The following GNG7 variants were observed in gnomAD, a reference collection of about 807,000 sequenced individuals.
GNG7 encodes G protein subunit gamma 7.
Under a neutral mutation model 4.0 loss-of-function variants are expected in GNG7, and 1 was observed. The observed-to-expected ratio is 0.25, with a 90% CI of 0.09 to 1.18. The LOEUF (loss-of-function observed/expected upper bound fraction) is 1.18, where lower values mean the gene tolerates loss of function less well. Among genes scored for constraint, GNG7 ranks in the 50% most tolerant of loss-of-function variants. GNG7 has a pLI of 0.50. For missense variants in GNG7, 86 were observed against 91.9 expected (o/e 0.94, Z 0.26); for synonymous variants, 34 against 36.9 (o/e 0.92, Z 0.29).
intron 1 of GNG7, among the ~76,000 whole-genome samples, chr19:2,649,060 T>G (rs1982741956): frequency 6.6e-6 from 1 of 151,774 alleles, no homozygotes; most frequent in African/African-American, 2.4e-5. Context: ...GTTTTTATGT[T>G]CTGGGAAGGG....
chr19:2,619,758 C>G (rs947385952), intron 2 of GNG7, among the ~76,000 whole-genome samples: 1 of 151,838 alleles, frequency 6.6e-6, no homozygotes, highest in Non-Finnish European at 1.5e-5. Flanking sequence ...TGTGGCAGGG[C>G]TGCCGGGGGG....
chr19:2,675,862 A>G lies in GNG7; in HGVS notation c.-135+26784T>C, dbSNP rs116082220. Among the ~76,000 whole-genome samples the G allele has an allele frequency of 4.0e-3, 615 of 152,322 alleles. 8 individuals are homozygous for G. The highest frequency in any genetic ancestry group is 0.014 in the African/African-American group (580 of 41,548). On this transcript the variant is annotated intron_variant, in intron 1 of 4. Coordinates refer to ENST00000382159, the MANE Select transcript of GNG7 (RefSeq NM_052847.3). The stretch of plus-strand genomic sequence containing the variant: ...CCACAGCACCAGGGGGAAGAGACTC[A>G]AAGTTAATTATTTGGAAGAAAATAT...
intron 2 of GNG7, among the ~76,000 whole-genome samples, chr19:2,605,412 A>G (rs1454256332): frequency 1.4e-5 from 2 of 146,632 alleles, no homozygotes; most frequent in East Asian, 4.1e-4. Flanking sequence ...TTGGCCAAAC[A>G]GGTCTCAAAC....
At chr19:2,665,353 G>C (rs1294811509) in intron 1 of GNG7, among the ~76,000 whole-genome samples, 3 of 111,258 alleles carry the variant, frequency 2.7e-5, no homozygotes, top group African/African-American at 9.6e-5. Flanking sequence ...ACATGGCCCA[G>C]TGTCCCCTGG....
At position 2,673,421 on chromosome 19, in the gene GNG7, C is replaced by T. The variant is rs185194056; in HGVS notation, c.-134-27141G>A. 9.1e-4 allele frequency among the ~76,000 whole-genome samples: 136 copies of T among 148,786 alleles called. 1 individual carries two copies. The highest frequency in any genetic ancestry group is 6.6e-3 in the East Asian group (32 of 4,850). On this transcript the variant is annotated intron_variant, in intron 1 of 4. Transcript: ENST00000382159. ...GAAAATGGAAATAAAGACCGGGCGC[C>T]GTGGCTCACGCCTGTAATCCCAGCA...
At chr19:2,588,701 G>A (rs1356628265) in intron 2 of GNG7, among the ~76,000 whole-genome samples, 2 of 152,224 alleles carry the variant, frequency 1.3e-5, no homozygotes, top group Non-Finnish European at 2.9e-5. Context: ...ACCCCAGCTG[G>A]GTTACCCAGG....
intron 1 of GNG7, among the ~76,000 whole-genome samples, chr19:2,666,971 A>C (rs1983326081): frequency 6.6e-6 from 1 of 152,026 alleles, no homozygotes; most frequent in Non-Finnish European, 1.5e-5. Context: ...AAAAAGATTC[A>C]CCTCCGATCC....
At chr19:2,631,117 A>G (rs1333394171) in intron 2 of GNG7, among the ~76,000 whole-genome samples, 1 of 152,160 alleles carries the variant, frequency 6.6e-6, no homozygotes, top group Non-Finnish European at 1.5e-5. Context: ...CCAGAGGAAG[A>G]ATGGTGCATT....
intron 2 of GNG7, among the ~76,000 whole-genome samples, chr19:2,579,595 C>G (rs1980444052): frequency 3.3e-5 from 5 of 152,216 alleles, no homozygotes; most frequent in Admixed American, 2.6e-4. Flanking sequence ...GAGGGGACGG[C>G]CGCCGCTGGG....
chr19:2,617,251 A>C lies in GNG7; in HGVS notation c.-78+28973T>G, dbSNP rs146735350. The stretch of plus-strand genomic sequence containing the variant: ...ACAGATGTCCCCAGATATCACCCAG[A>C]GTCCCCTGGAGGCAAACCTGTCCCA... On this transcript the variant is annotated intron_variant, in intron 2 of 4. Coordinates refer to ENST00000382159, the MANE Select transcript of GNG7 (RefSeq NM_052847.3). This position sits in a 1 kb window ranked among gnomAD's most constrained non-coding sequence, Gnocchi z 4.7. Among the ~76,000 whole-genome samples, 4 of 152,238 alleles carry C rather than the reference A, an allele frequency of 2.6e-5. No individual in the cohort carries two copies. In the East Asian group the frequency reaches 7.7e-4, roughly 29 times the overall value.
intron 2 of GNG7, among the ~76,000 whole-genome samples, chr19:2,576,144 C>T (rs927408901): frequency 2.0e-5 from 3 of 152,238 alleles, no homozygotes; most frequent in East Asian, 1.9e-4. Flanking sequence ...CAGACACATG[C>T]GGCACGGGCA....
rs1000810756 is a variant in GNG7 at position 2,611,736 on chromosome 19, C to G, written c.-78+34488G>C. The G allele has an allele frequency of 6.6e-6, 1 of 152,016 alleles. No homozygotes were observed. Among genetic ancestry groups the G allele is most frequent in the South Asian group, 2.1e-4 (1 of 4,818 alleles). The allele number at this position is 152,016 out of a possible 1,614,324, so 9.4% of individuals were successfully genotyped here. A position where few individuals can be genotyped will look rare whatever the true frequency, so the allele number is the denominator to read the frequency against. The stretch of plus-strand genomic sequence containing the variant: ...CTGTAATCCCATCTACTCAGGAGAC[C>G]GAGGCAGGAGAATCGCTCGAACCGG... On this transcript the variant is annotated intron_variant, in intron 2 of 4. Transcript: ENST00000382159. This position sits in a 1 kb window ranked among gnomAD's most constrained non-coding sequence, Gnocchi z 6.0.
chr19:2,518,617 C>A (rs1043394092), intron 4 of GNG7, among the ~76,000 whole-genome samples: 1 of 152,038 alleles, frequency 6.6e-6, no homozygotes, highest in Non-Finnish European at 1.5e-5. Context: ...TCCGCCTCCC[C>A]GCTGGGAGCA....
intron 2 of GNG7, among the ~76,000 whole-genome samples, chr19:2,586,514 G>A (rs1479724117): frequency 2.0e-5 from 3 of 152,214 alleles, no homozygotes; most frequent in African/African-American, 7.2e-5. Context: ...CTCAGCTGAG[G>A]CTGAAAGGGA....
chr19:2,540,255 G>A (rs56357228), intron 3 of GNG7, among the ~76,000 whole-genome samples: 20,754 of 151,692 alleles, frequency 0.14, 1,566 homozygotes, highest in East Asian at 0.27. Flanking sequence ...GGCCTAAGCC[G>A]TTCTCCTGCC....
intron 2 of GNG7, among the ~76,000 whole-genome samples, chr19:2,608,098 G>GA (rs1206380276): frequency 1.6e-4 from 24 of 148,554 alleles, no homozygotes; most frequent in South Asian, 2.1e-4. Context: ...GAAGGTGGAG[G>GA]AAAAAAAAAA....
chr19:2,517,287 C>T (rs2144724820), intron 4 of GNG7, among the ~76,000 whole-genome samples: 2 of 152,232 alleles, frequency 1.3e-5, no homozygotes, highest in Middle Eastern at 3.4e-3. Context: ...AAGTGATTCT[C>T]CCGCCTCAGC....
chr19:2,659,386 T>C (rs891059247), intron 1 of GNG7, among the ~76,000 whole-genome samples: 1 of 150,156 alleles, frequency 6.7e-6, no homozygotes, highest in African/African-American at 2.4e-5. Flanking sequence ...TGACAGGAGT[T>C]TGAGACCAGC....
intron 2 of GNG7, among the ~76,000 whole-genome samples, chr19:2,602,896 T>TTTCTTTC (rs1568259284): frequency 3.5e-5 from 2 of 56,382 alleles, no homozygotes; most frequent in African/African-American, 1.4e-4. Flanking sequence ...TCTTTTTCTC[T>TTTCTTTC]TTTTCTTTCT....
Sources: gnomAD v4.1 joint callset for allele counts (sites outside exome capture counted in the v4.1 genomes callset) on GRCh38, gnomAD v4.1.1 for gene constraint, Gnocchi (gnomAD v3.1) non-coding constraint, MANE v1.5 for transcripts, NCBI Gene and HGNC (gene_info 2026-07-23, HGNC 2026-07-21) for gene names.